The following PATJ variants were observed in gnomAD, a reference collection of about 807,000 sequenced individuals.
PATJ encodes the protein PATJ crumbs cell polarity complex component, also known as inaD-like protein.
In PATJ, 190 loss-of-function variants were observed where a neutral mutation model predicts 224.9. The observed-to-expected ratio is 0.84, with a 90% confidence interval of 0.75 to 0.95. The LOEUF (loss-of-function observed/expected upper bound fraction) is 0.95, where lower values mean the gene tolerates loss of function less well. Among genes scored for constraint, PATJ ranks in the 40% least tolerant of loss-of-function variants. PATJ has a pLI of 0.00. For synonymous variants in PATJ, 769 were observed against 820.3 expected, an observed-to-expected ratio of 0.94 and a Z score of 1.07; for missense variants, 2,121 against 2,270.3, an observed-to-expected ratio of 0.93 and a Z score of 1.34.
chr1:62,120,951 A>G (rs1336516055), intron 37 of PATJ: 1 of 440,878 alleles, frequency 2.3e-6, no homozygotes, highest in East Asian at 3.5e-5. Context: ...TTGAAACCAT[A>G]TACAAAAGCA....
At chr1:61,823,556 C>G (rs1657667184) in intron 15 of PATJ, among the ~76,000 whole-genome samples, 1 of 152,202 alleles carries the variant, frequency 6.6e-6, no homozygotes, top group Non-Finnish European at 1.5e-5. Context: ...AGTTCTAGAG[C>G]ACCTCTGCTT....
chr1:61,745,638 C>T (rs963950514), intron 1 of PATJ, among the ~76,000 whole-genome samples: 1 of 151,708 alleles, frequency 6.6e-6, no homozygotes, highest in Non-Finnish European at 1.5e-5. Flanking sequence ...GAGTCTTGCT[C>T]TGTTGCCCAG....
chr1:62,001,940 T>C (rs1645800171), intron 28 of PATJ, among the ~76,000 whole-genome samples: 1 of 152,186 alleles, frequency 6.6e-6, no homozygotes, highest in Non-Finnish European at 1.5e-5. Context: ...CCCAGAGTTT[T>C]TAAAGCTGAC....
At chr1:61,887,292 A>G (rs1319358977) in intron 22 of PATJ, among the ~76,000 whole-genome samples, 1 of 152,126 alleles carries the variant, frequency 6.6e-6, no homozygotes, top group East Asian at 1.9e-4. Flanking sequence ...GGTGCCAGGA[A>G]GGAAAGGAAG....
chr1:62,131,872 A>AT lies in PATJ; in HGVS notation c.5271+2940dup, dbSNP rs11313790. Among the ~76,000 whole-genome samples the AT allele has an allele frequency of 2.0e-3, 293 of 146,536 alleles. 3 individuals are homozygous for AT. The highest frequency in any genetic ancestry group is 7.5e-4 in the African/African-American group (30 of 39,848). ...CAAATATTAGGATGAATGAATTATT[A>AT]TTTTTTTTTTTTTGAGATGGAGTCT... On this transcript the variant is annotated intron_variant, in intron 41 of 43. Coordinates refer to ENST00000642238, the MANE Select transcript of PATJ (RefSeq NM_001350145.3).
intron 35 of PATJ, 47 bp downstream of exon 35, chr1:62,114,293 C>G: frequency 6.6e-7 from 1 of 1,504,530 alleles, no homozygotes; most frequent in South Asian, 1.2e-5. Flanking sequence ...TCATCCAGAG[C>G]TCTGATGCCT....
intron 7 of PATJ, 46 bp downstream of exon 7, chr1:61,775,380 G>A: frequency 6.5e-7 from 1 of 1,549,224 alleles, no homozygotes; most frequent in Non-Finnish European, 8.8e-7. Context: ...TAAAATTTAA[G>A]TTGTATGAAT....
At chr1:62,111,536 T>C (rs906816097) in intron 34 of PATJ, among the ~76,000 whole-genome samples, 1 of 152,200 alleles carries the variant, frequency 6.6e-6, no homozygotes, top group South Asian at 2.1e-4. Context: ...TAAGTAAATA[T>C]TATTACCTCC....
rs971320378 is a variant in PATJ at position 61,779,342 on chromosome 1, G to A, written c.849+4008G>A. On this transcript the variant is annotated intron_variant, in intron 7 of 43. Coordinates refer to ENST00000642238, the MANE Select transcript of PATJ (RefSeq NM_001350145.3). Reference sequence around the variant, plus strand: ...GTGTTTGAGATCTATAGGGCAGGCCGGCAGAATGTCTGAGGAAGCTCTGTT... The same window carrying A: ...GTGTTTGAGATCTATAGGGCAGGCCAGCAGAATGTCTGAGGAAGCTCTGTT... Among the ~76,000 whole-genome samples, 6 of 152,146 alleles carry A rather than the reference G, an allele frequency of 3.9e-5. 1 individual carries two copies. Among genetic ancestry groups the A allele is most frequent in the African/African-American group, 9.7e-5 (4 of 41,430 alleles).
chr1:62,078,286 T>A (rs1658664801), intron 31 of PATJ, among the ~76,000 whole-genome samples: 1 of 152,182 alleles, frequency 6.6e-6, no homozygotes, highest in African/African-American at 2.4e-5. Context: ...TATGTATGTA[T>A]GTATTTATTT....
At chr1:61,772,554 T>G (rs1646679300) in intron 6 of PATJ, among the ~76,000 whole-genome samples, 2 of 152,212 alleles carry the variant, frequency 1.3e-5, no homozygotes, top group Admixed American at 1.3e-4. Flanking sequence ...TATTTAATTT[T>G]TATTCATTGG....
At chr1:61,912,856 A>T (rs949000623) in intron 25 of PATJ, among the ~76,000 whole-genome samples, 7 of 152,166 alleles carry the variant, frequency 4.6e-5, no homozygotes, top group Non-Finnish European at 1.5e-5. Context: ...CTGACTTGTC[A>T]GGGAGGCAAA....
intron 18 of PATJ, among the ~76,000 whole-genome samples, chr1:61,856,852 C>G (rs1663755882): frequency 6.6e-6 from 1 of 152,114 alleles, no homozygotes; most frequent in Non-Finnish European, 1.5e-5. Flanking sequence ...CTTGGCCTCC[C>G]AAAGTGCTTT....
At chr1:62,099,337 A>G (rs998882591) in intron 33 of PATJ, among the ~76,000 whole-genome samples, 6 of 140,320 alleles carry the variant, frequency 4.3e-5, no homozygotes, top group African/African-American at 1.4e-4. Context: ...TTTGTATACA[A>G]TATCTCCAAC....
intron 1 of PATJ, among the ~76,000 whole-genome samples, chr1:61,743,891 G>C (rs938519989): frequency 1.3e-5 from 2 of 151,820 alleles, no homozygotes; most frequent in Admixed American, 1.3e-4. Flanking sequence ...AAGAGGGGAG[G>C]GTAAAAGGAA....
intron 6 of PATJ, among the ~76,000 whole-genome samples, chr1:61,774,301 A>G (rs1164808657): frequency 6.6e-6 from 1 of 152,086 alleles, no homozygotes; most frequent in Non-Finnish European, 1.5e-5. Flanking sequence ...AAAGAAAGAA[A>G]GAAAGAAAAA....
At chr1:62,052,435 T>G (rs1653788242) in intron 31 of PATJ, among the ~76,000 whole-genome samples, 1 of 142,168 alleles carries the variant, frequency 7.0e-6, no homozygotes, top group Admixed American at 7.3e-5. Context: ...TACCAGAGAT[T>G]GACTAAAAAA....
chr1:61,766,707 A>T (rs10889254), intron 4 of PATJ, among the ~76,000 whole-genome samples: 36,405 of 151,608 alleles, frequency 0.24, 4,475 homozygotes, highest in East Asian at 0.42. Context: ...AGAGCTTTTT[A>T]AAAAAAAATT....
chr1:62,104,233 A>T (rs1662597977), intron 33 of PATJ, among the ~76,000 whole-genome samples: 1 of 152,210 alleles, frequency 6.6e-6, no homozygotes, highest in South Asian at 2.1e-4. Flanking sequence ...TGAGATAAGC[A>T]TCATATGCAT....
Sources: allele counts gnomAD v4.1 joint callset (sites outside exome capture counted in the v4.1 genomes callset), GRCh38; gene constraint gnomAD v4.1.1; transcripts MANE v1.5; gene names NCBI Gene and HGNC (gene_info 2026-07-23, HGNC 2026-07-21).